Variants in PDIA4 observed in about 807,000 individuals in gnomAD.
PDIA4 encodes the protein protein disulfide isomerase family A member 4, also known as protein disulfide-isomerase A4.
PDIA4 carries 33 observed loss-of-function variants against 62.1 expected under a neutral mutation model. That is an observed-to-expected ratio of 0.53 (90% confidence interval 0.40 to 0.71). The LOEUF is 0.71. Among genes scored for constraint, PDIA4 ranks in the 30% least tolerant of loss-of-function variants. The pLI is 0.00. For synonymous variants in PDIA4, 341 were observed against 324.1 expected (o/e 1.05, Z -0.56); for missense variants, 804 against 813.6 (o/e 0.99, Z 0.14).
intron 7 of PDIA4, among the ~76,000 whole-genome samples, chr7:149,007,547 T>C (rs1333565569): frequency 1.3e-5 from 2 of 152,228 alleles, no homozygotes; most frequent in African/African-American, 2.4e-5. Context: ...CTCACCGAAG[T>C]GCAGGGCCCC....
intron 1 of PDIA4, among the ~76,000 whole-genome samples, chr7:149,022,655 G>C (rs779914981): frequency 3.9e-4 from 59 of 152,154 alleles, no homozygotes; most frequent in Middle Eastern, 3.4e-3. Flanking sequence ...CTGCCCCTGG[G>C]ATCCCAGAAC....
At position 149,018,980 on chromosome 7, in the gene PDIA4, G is replaced by T; in HGVS notation, c.475+12C>A. On this transcript the variant is annotated intron_variant, in intron 3 of 9. Transcript: ENST00000652332. ...AGGAGTTCTTCCTCTACGAGCTCAG[G>T]TACCAGCTCACCTTCCTGGGTTCTG... is the stretch of plus-strand genomic sequence containing the variant. The T allele has an allele frequency of 6.3e-7, 1 of 1,596,372 alleles. No individual in the cohort carries two copies. Among genetic ancestry groups the T allele is most frequent in the Middle Eastern group, 1.7e-4 (1 of 5,738 alleles).
Position 149,028,458 on chromosome 7 carries a change from A to T in PDIA4, c.-50T>A, listed in dbSNP as rs1824640530. 3.1e-6 allele frequency: 4 copies of T among 1,302,016 alleles called. No individual in the cohort carries two copies. Among genetic ancestry groups the T allele is most frequent in the Non-Finnish European group, 4.1e-6 (4 of 977,662 alleles). The allele number at this position is 1,302,016 out of a possible 1,614,324, so 80.7% of individuals were successfully genotyped here. A position where few individuals can be genotyped will look rare whatever the true frequency, so the allele number is the denominator to read the frequency against. ...CCTAGCGTCGGCGGCCGCTGAGCGC[A>T]CCGAGAACTCGGGGTCTGGCCGACA... On this transcript the variant is annotated 5_prime_UTR_variant, in exon 1 of 10. Coordinates refer to ENST00000652332, the MANE Select transcript of PDIA4 (RefSeq NM_004911.5).
chr7:149,023,116 G>C (rs1367580797), intron 1 of PDIA4, among the ~76,000 whole-genome samples: 2 of 152,104 alleles, frequency 1.3e-5, no homozygotes, highest in Non-Finnish European at 2.9e-5. Context: ...GAAGTTCATG[G>C]AGGGCAGAAC....
chr7:149,003,796 A>G lies in PDIA4; in HGVS notation c.1936T>C (p.Ter646ArgextTer52). ...TKLSRTKEEL* is the reference protein window; with the variant it reads ...TKLSRTKEELR The stretch of plus-strand genomic sequence containing the variant: ...CACCTTCCGCAGACCTCAGGCCTTC[A>G]AAGCTCTTCCTTGGTCCTGCTCAGT... Residue 646 changes from the stop codon to arginine, a stop_lost, in exon 10 of 10, where the codon TGA becomes CGA. Transcript: ENST00000652332. 6.5e-7 allele frequency: 1 copy of G among 1,536,084 alleles called. No homozygotes were observed. Among genetic ancestry groups the G allele is most frequent in the Non-Finnish European group, 8.8e-7 (1 of 1,141,026 alleles).
intron 3 of PDIA4, among the ~76,000 whole-genome samples, chr7:149,015,905 C>T (rs554170477): frequency 6.6e-6 from 1 of 152,372 alleles, no homozygotes; most frequent in East Asian, 1.9e-4. Context: ...ATAGCATACA[C>T]TGCTCTAAAG....
chr7:149,026,141 G>C (rs1213602863), intron 1 of PDIA4, among the ~76,000 whole-genome samples: 2 of 152,210 alleles, frequency 1.3e-5, no homozygotes, highest in Non-Finnish European at 2.9e-5. Context: ...AGGTAGTGCA[G>C]ACTTGAAATA....
At position 149,005,879 on chromosome 7, in the gene PDIA4, TTGG is replaced by T; in HGVS notation, c.1288+15_1288+17del. The T allele has an allele frequency of 6.7e-7, 1 of 1,485,376 alleles. No homozygotes were observed. Among genetic ancestry groups the T allele is most frequent in the Non-Finnish European group, 8.9e-7 (1 of 1,123,672 alleles). The allele number at this position is 1,485,376 out of a possible 1,614,324, so 92.0% of individuals were successfully genotyped here. A position where few individuals can be genotyped will look rare whatever the true frequency, so the allele number is the denominator to read the frequency against. The stretch of plus-strand genomic sequence containing the variant: ...CCCCCACCCCCCACCCCCGCAGGTC[TTGG>T]TGGGGGTCCCTCACCAGCTCTGTAA... On this transcript the variant is annotated intron_variant, in intron 8 of 9. Coordinates refer to ENST00000652332, the MANE Select transcript of PDIA4 (RefSeq NM_004911.5).
intron 4 of PDIA4, 86 bp from the exon 5 acceptor site, chr7:149,012,446 G>A: frequency 8.6e-7 from 1 of 1,165,132 alleles, no homozygotes; most frequent in Non-Finnish European, 1.3e-6. Context: ...CCCATCCTGT[G>A]CTCCCTAGTA....
intron 2 of PDIA4, among the ~76,000 whole-genome samples, chr7:149,020,623 G>A (rs1290952668): frequency 2.6e-5 from 4 of 152,190 alleles, no homozygotes; most frequent in African/African-American, 9.6e-5. Flanking sequence ...GAGACAGGTC[G>A]GAGCAGAATC....
At chr7:149,015,141 CG>C (rs1824084202) in intron 3 of PDIA4, 99 bp from the exon 4 acceptor site, 2 of 1,256,922 alleles carry the variant, frequency 1.6e-6, no homozygotes, top group African/African-American at 1.5e-5. Context: ...AAGCAAGTGT[CG>C]GGGCCCACAA....
chr7:149,004,254 G>A (rs1167851900), intron 9 of PDIA4, 45 bp from the exon 10 acceptor site: 20 of 1,560,750 alleles, frequency 1.3e-5, no homozygotes, highest in Non-Finnish European at 1.7e-5. Context: ...TGCTGCAAAG[G>A]CCAAAGATTC....
intron 1 of PDIA4, chr7:149,028,006 C>G (rs1285584028): frequency 5.2e-6 from 3 of 572,468 alleles, no homozygotes; most frequent in Admixed American, 2.2e-5. Flanking sequence ...TAAATTAAGG[C>G]GAAGGACCCA....
chr7:149,014,221 C>T (rs1824050277), intron 4 of PDIA4, among the ~76,000 whole-genome samples: 1 of 152,158 alleles, frequency 6.6e-6, no homozygotes, highest in Non-Finnish European at 1.5e-5. Context: ...GCCACCCACC[C>T]CCCGGCCTGT....
chr7:149,005,360 G>A lies in PDIA4; in HGVS notation c.1303C>T (p.Arg435Trp), dbSNP rs867254350. ...FDYRAATQFW[R>W]SKVLEVAKDF... ...TTGGCCACCTCTAGGACTTTGCTCC[G>A]CCAAAACTGAGTTGCTGAAAGGGAC... Residue 435 changes from arginine to tryptophan, a missense_variant, in exon 9 of 10, where the codon CGG (arginine) becomes TGG (tryptophan). Transcript: ENST00000652332. The A allele has an allele frequency of 6.8e-6, 11 of 1,613,294 alleles. No individual in the cohort carries two copies. Among genetic ancestry groups the A allele is most frequent in the East Asian group, 2.2e-5 (1 of 44,888 alleles).
Position 149,006,573 on chromosome 7 carries a change from C to T in PDIA4, c.1132-520G>A, listed in dbSNP as rs191689251. ...GTGGGCCTGTGAGCCCAAGGGTTTC[C>T]GTGGGGATGGGATACTCAGGGAGGG... On this transcript the variant is annotated intron_variant, in intron 7 of 9. Coordinates refer to ENST00000652332, the MANE Select transcript of PDIA4 (RefSeq NM_004911.5). Among the ~76,000 whole-genome samples the T allele has an allele frequency of 5.3e-5, 8 of 152,304 alleles. No homozygotes were observed. The East Asian group carries it at 9.7e-4, about 18-fold the overall frequency.
At chr7:149,021,757 G>A (rs549349238) in intron 1 of PDIA4, among the ~76,000 whole-genome samples, 3 of 152,244 alleles carry the variant, frequency 2.0e-5, no homozygotes, top group Admixed American at 6.5e-5. Flanking sequence ...TTCCAGAGTC[G>A]CGGCCCCCTG....
chr7:149,008,043 C>G (rs1302924062), intron 7 of PDIA4, 116 bp downstream of exon 7: 11 of 1,000,232 alleles, frequency 1.1e-5, no homozygotes, highest in Non-Finnish European at 1.2e-5. Flanking sequence ...AAAAGGAGTT[C>G]CAGACCCTGC....
Position 149,012,388 on chromosome 7 carries a change from G to A in PDIA4, c.615-28C>T, listed in dbSNP as rs1302260511. ...GCCAAGAGGAAACTGGTTTGTCAGGGGCTCATTCTAGTGTGGACTCACTTT... is the reference window on the plus strand; with the variant it reads ...GCCAAGAGGAAACTGGTTTGTCAGGAGCTCATTCTAGTGTGGACTCACTTT... On this transcript the variant is annotated intron_variant, in intron 4 of 9. Coordinates refer to ENST00000652332, the MANE Select transcript of PDIA4 (RefSeq NM_004911.5). The A allele has an allele frequency of 2.5e-6, 4 of 1,586,006 alleles. No homozygotes were observed. The South Asian group carries it at 4.4e-5, about 18-fold the overall frequency.
Sources: allele counts gnomAD v4.1 joint callset (sites outside exome capture counted in the v4.1 genomes callset), GRCh38; gene constraint gnomAD v4.1.1; transcripts MANE v1.5; gene names NCBI Gene and HGNC (gene_info 2026-07-23, HGNC 2026-07-21).